The following RBFOX1 variants were observed in gnomAD, a reference collection of about 807,000 sequenced individuals.
RBFOX1 encodes RNA binding fox-1 homolog 1.
Under a neutral mutation model 57.7 loss-of-function variants are expected in RBFOX1, and 8 were observed. The ratio of observed to expected loss-of-function variants is 0.14; its 90% CI spans 0.08 to 0.25. The LOEUF (loss-of-function observed/expected upper bound fraction) is 0.25, where lower values mean the gene tolerates loss of function less well. Ranked by LOEUF, RBFOX1 falls within the 10% of genes least tolerant of loss-of-function variation. RBFOX1 has a pLI of 1.00. For missense variants in RBFOX1, 611 were observed against 548.5 expected (o/e 1.11, Z -1.14); for synonymous variants, 326 against 222.4 (o/e 1.47, Z -4.15).
chr16:7,045,868 G>C (rs946958465), intron 3 of RBFOX1, among the ~76,000 whole-genome samples: 1 of 152,060 alleles, frequency 6.6e-6, no homozygotes, highest in African/African-American at 2.4e-5. Flanking sequence ...ATGTTGGCCA[G>C]GTTCTTCTGG....
intron 4 of RBFOX1, among the ~76,000 whole-genome samples, chr16:7,159,487 GA>G (rs2077835734): frequency 6.6e-6 from 1 of 152,198 alleles, no homozygotes; most frequent in South Asian, 2.1e-4. Context: ...TCACTAAGGG[GA>G]CTAGTGATAG....
chr16:6,527,810 G>A (rs545686126), intron 2 of RBFOX1, among the ~76,000 whole-genome samples: 47 of 152,078 alleles, frequency 3.1e-4, no homozygotes, highest in Non-Finnish European at 5.1e-4. Context: ...CTGTAGGGTA[G>A]GGACGTGTGG....
intron 2 of RBFOX1, among the ~76,000 whole-genome samples, chr16:6,611,874 C>G (rs774546346): frequency 2.4e-4 from 36 of 152,200 alleles, no homozygotes; most frequent in Admixed American, 3.9e-4. Flanking sequence ...GCACGTGACC[C>G]TGGTTTCTGG....
At chr16:6,759,489 G>T (rs867156835) in intron 3 of RBFOX1, among the ~76,000 whole-genome samples, 1 of 125,744 alleles carries the variant, frequency 8.0e-6, no homozygotes, top group East Asian at 3.1e-4. Context: ...GTGTGTGTGT[G>T]TGTGTGTGTG....
intron 3 of RBFOX1, among the ~76,000 whole-genome samples, chr16:6,801,391 A>G (rs1442059150): frequency 6.6e-6 from 1 of 152,154 alleles, no homozygotes; most frequent in Non-Finnish European, 1.5e-5. Flanking sequence ...TCTTTATACT[A>G]GTTCCTTTCC....
chr16:5,546,257 G>T (rs551353232), intron 2 of RBFOX1, among the ~76,000 whole-genome samples: 1 of 152,172 alleles, frequency 6.6e-6, no homozygotes, highest in Non-Finnish European at 1.5e-5. Context: ...TTGATCTACA[G>T]AGTCAATGCA....
intron 1 of RBFOX1, among the ~76,000 whole-genome samples, chr16:6,107,075 C>T (rs1341447202): frequency 6.6e-6 from 1 of 152,182 alleles, no homozygotes; most frequent in East Asian, 1.9e-4. Context: ...ACCTCTTTTA[C>T]CTGCCTCCTC....
chr16:6,735,418 A>G (rs1286630123), intron 3 of RBFOX1, among the ~76,000 whole-genome samples: 1 of 152,172 alleles, frequency 6.6e-6, no homozygotes, highest in Non-Finnish European at 1.5e-5. Context: ...TAAATAGGTA[A>G]ATGGATAGAT....
chr16:5,999,760 C>G (rs944818809), intron 4 of RBFOX1, among the ~76,000 whole-genome samples: 1 of 151,026 alleles, frequency 6.6e-6, no homozygotes, highest in Non-Finnish European at 1.5e-5. Flanking sequence ...ACTTGGGAGG[C>G]TGAGGCAGGA....
At chr16:6,818,486 C>G (rs963454272) in intron 3 of RBFOX1, among the ~76,000 whole-genome samples, 1 of 152,008 alleles carries the variant, frequency 6.6e-6, no homozygotes, top group African/African-American at 2.4e-5. Flanking sequence ...TGAGTAAATG[C>G]CAGTGAGGTT....
chr16:6,669,499 A>G (rs1322159227), intron 3 of RBFOX1, among the ~76,000 whole-genome samples: 1 of 152,174 alleles, frequency 6.6e-6, no homozygotes, highest in Admixed American at 6.5e-5. Flanking sequence ...GAGTGATTGC[A>G]GTATGATTGA....
intron 4 of RBFOX1, among the ~76,000 whole-genome samples, chr16:7,291,641 G>C (rs1447004396): frequency 1.3e-5 from 2 of 152,036 alleles, no homozygotes; most frequent in African/African-American, 4.8e-5. Context: ...AGATGCGTTT[G>C]TTTGGGGGAA....
chr16:6,663,077 C>T (rs2154100429), intron 3 of RBFOX1, among the ~76,000 whole-genome samples: 1 of 152,144 alleles, frequency 6.6e-6, no homozygotes, highest in Non-Finnish European at 1.5e-5. Flanking sequence ...CAGGAGGGAA[C>T]CAGAAGTGGG....
Position 6,127,344 on chromosome 16 carries a change from C to G in RBFOX1, c.-127+107352C>G, listed in dbSNP as rs114917608. Reference sequence around the variant, plus strand: ...TCTCCTGTTTCACCTTATTCAAGCACCTGCTCTAGTTCCCATTATTTTTTT... The same window carrying G: ...TCTCCTGTTTCACCTTATTCAAGCAGCTGCTCTAGTTCCCATTATTTTTTT... On this transcript the variant is annotated intron_variant, in intron 1 of 15. Coordinates refer to ENST00000550418, the MANE Select transcript of RBFOX1 (RefSeq NM_018723.4). Among the ~76,000 whole-genome samples the G allele has an allele frequency of 7.1e-3, 1,079 of 151,946 alleles. 14 individuals are homozygous for G. Among genetic ancestry groups the G allele is most frequent in the African/African-American group, 0.024 (1,015 of 41,432 alleles).
At chr16:5,804,544 T>A (rs967697897) in intron 3 of RBFOX1, among the ~76,000 whole-genome samples, 10 of 152,194 alleles carry the variant, frequency 6.6e-5, no homozygotes, top group Non-Finnish European at 1.3e-4. Context: ...TTGAGTGCTG[T>A]GAATTCCAGG....
At chr16:6,501,592 A>G (rs1194889499) in intron 2 of RBFOX1, among the ~76,000 whole-genome samples, 5 of 152,116 alleles carry the variant, frequency 3.3e-5, no homozygotes, top group African/African-American at 4.8e-5. Flanking sequence ...TAGTGCCACA[A>G]TAAACATACG....
At chr16:6,570,289 C>T (rs1249606998) in intron 2 of RBFOX1, among the ~76,000 whole-genome samples, 1 of 152,116 alleles carries the variant, frequency 6.6e-6, no homozygotes, top group African/African-American at 2.4e-5. Flanking sequence ...TTTTGAAAAT[C>T]AGTGTTTTTG....
intron 4 of RBFOX1, among the ~76,000 whole-genome samples, chr16:7,339,039 G>A (rs1456201760): frequency 6.6e-6 from 1 of 152,162 alleles, no homozygotes; most frequent in Non-Finnish European, 1.5e-5. Context: ...GTCAACAGCG[G>A]ACTAAATTAA....
At chr16:6,423,364 C>T (rs1037593538) in intron 2 of RBFOX1, among the ~76,000 whole-genome samples, 1 of 152,048 alleles carries the variant, frequency 6.6e-6, no homozygotes, top group Non-Finnish European at 1.5e-5. Flanking sequence ...TTTGGGAGGC[C>T]GAGGCAGGCA....
Sources: allele counts gnomAD v4.1 joint callset (sites outside exome capture counted in the v4.1 genomes callset), GRCh38; gene constraint gnomAD v4.1.1; transcripts MANE v1.5; gene names NCBI Gene and HGNC (gene_info 2026-07-23, HGNC 2026-07-21).